Variants in PBX3 observed in about 807,000 individuals in gnomAD.
PBX3 encodes the protein pre-B-cell leukemia transcription factor 3.
In PBX3, 14 loss-of-function variants were observed where a neutral mutation model predicts 48.5. The ratio of observed to expected loss-of-function variants is 0.29; its 90% confidence interval spans 0.19 to 0.45. PBX3 has a LOEUF of 0.45. PBX3 is among the 20% of genes least tolerant of loss of function. The pLI is 1.00. For missense variants in PBX3, 386 were observed against 546.7 expected, an observed-to-expected ratio of 0.71 and a Z score of 2.93; for synonymous variants, 210 against 200.3, an observed-to-expected ratio of 1.05 and a Z score of -0.41.
At chr9:125,877,249 C>T (rs765758051) in intron 2 of PBX3, among the ~76,000 whole-genome samples, 20 of 152,220 alleles carry the variant, frequency 1.3e-4, no homozygotes, top group Non-Finnish European at 2.5e-4. Flanking sequence ...ATCAGAATAC[C>T]GTAATAATAA....
intron 2 of PBX3, among the ~76,000 whole-genome samples, chr9:125,784,471 T>C (rs916390630): frequency 6.6e-6 from 1 of 152,226 alleles, no homozygotes; most frequent in African/African-American, 2.4e-5. Flanking sequence ...GAATTGGATA[T>C]TTTAATGTGG....
chr9:125,815,902 T>C (rs1459139514), intron 2 of PBX3, among the ~76,000 whole-genome samples: 1 of 152,206 alleles, frequency 6.6e-6, no homozygotes, highest in Non-Finnish European at 1.5e-5. Flanking sequence ...GCACTTGTCA[T>C]TGTGGTGTCT....
intron 2 of PBX3, among the ~76,000 whole-genome samples, chr9:125,793,362 A>T (rs900197011): frequency 1.5e-5 from 1 of 65,650 alleles, no homozygotes; most frequent in Non-Finnish European, 3.0e-5. Context: ...GGGGGGAAAA[A>T]AAAAATATAT....
chr9:125,864,812 C>T (rs534551495), intron 2 of PBX3, among the ~76,000 whole-genome samples: 4 of 152,120 alleles, frequency 2.6e-5, no homozygotes, highest in Admixed American at 6.5e-5. Flanking sequence ...TCCAACAGGC[C>T]GTGAACCAGC....
Sources: allele counts gnomAD v4.1 joint callset (sites outside exome capture counted in the v4.1 genomes callset), GRCh38; gene constraint gnomAD v4.1.1; transcripts MANE v1.5; gene names NCBI Gene and HGNC (gene_info 2026-07-23, HGNC 2026-07-21).